Variants in SKIC2 observed in about 807,000 individuals in gnomAD.
SKIC2 encodes the protein superkiller complex protein 2.
chr6:31,960,131 G>A, the SKIC2 span: 10 of 1,610,138 alleles, frequency 6.2e-6, no homozygotes, highest in East Asian at 2.0e-4. Context: ...TGAGGAGTCT[G>A]GAGGGGCTTA....
the SKIC2 span, chr6:31,964,421 G>A: frequency 3.8e-6 from 4 of 1,049,528 alleles, no homozygotes; most frequent in Non-Finnish European, 5.8e-6. This position sits in a 1 kb window ranked among gnomAD's most constrained non-coding sequence, Gnocchi z 5.0. Context: ...GAGGGGCAGA[G>A]GTTTAGGCAG....
the SKIC2 span, chr6:31,964,357 G>A: frequency 1.3e-6 from 2 of 1,596,922 alleles, no homozygotes; most frequent in African/African-American, 2.7e-5. This position sits in a 1 kb window ranked among gnomAD's most constrained non-coding sequence, Gnocchi z 5.0. Flanking sequence ...ATGTGGTGGT[G>A]GAAAGGGACT....
At chr6:31,962,861 C>T in the SKIC2 span, 13 of 1,357,564 alleles carry the variant, frequency 9.6e-6, no homozygotes, top group Non-Finnish European at 1.3e-5. This position sits in a 1 kb window ranked among gnomAD's most constrained non-coding sequence, Gnocchi z 5.0. Context: ...TGAGCGTCTC[C>T]CTTATTCCAC....
At chr6:31,967,870 T>A in the SKIC2 span, 4 of 1,612,754 alleles carry the variant, frequency 2.5e-6, no homozygotes, top group Non-Finnish European at 3.4e-6. The surrounding 1 kb of genome is among the most constrained non-coding windows in gnomAD (Gnocchi z 4.9). Context: ...AAGGTGAGAG[T>A]GTGGCAGATG....
chr6:31,968,742 C>T, the SKIC2 span: 3 of 1,612,884 alleles, frequency 1.9e-6, no homozygotes, highest in East Asian at 2.2e-5. The surrounding 1 kb of genome is among the most constrained non-coding windows in gnomAD (Gnocchi z 6.1). Flanking sequence ...GGCTGCGCTT[C>T]CTACTGTCGG....
chr6:31,965,772 C>G, the SKIC2 span: 8 of 1,550,892 alleles, frequency 5.2e-6, no homozygotes, highest in Non-Finnish European at 7.1e-6. The surrounding 1 kb of genome is among the most constrained non-coding windows in gnomAD (Gnocchi z 5.6). Context: ...TTCTGTTCTC[C>G]TCTGTCCCAG....
the SKIC2 span, chr6:31,969,399 A>G: frequency 1.9e-6 from 3 of 1,614,168 alleles, no homozygotes; most frequent in Non-Finnish European, 2.5e-6. The surrounding 1 kb of genome is among the most constrained non-coding windows in gnomAD (Gnocchi z 6.1). Context: ...TTGAGGTTGT[A>G]TATGAGTGGG....
the SKIC2 span, chr6:31,968,561 C>T: frequency 6.2e-7 from 1 of 1,600,742 alleles, no homozygotes; most frequent in South Asian, 1.1e-5. This position sits in a 1 kb window ranked among gnomAD's most constrained non-coding sequence, Gnocchi z 6.1. Context: ...GTGGTAACTC[C>T]CAAGCTGGGA....
At chr6:31,962,466 C>G in the SKIC2 span, 4 of 1,613,978 alleles carry the variant, frequency 2.5e-6, no homozygotes, top group Middle Eastern at 1.6e-4. This position sits in a 1 kb window ranked among gnomAD's most constrained non-coding sequence, Gnocchi z 5.0. Flanking sequence ...CCATCAAGGC[C>G]CTGAGCAACC....
chr6:31,960,943 C>T, the SKIC2 span: 6 of 994,014 alleles, frequency 6.0e-6, no homozygotes, highest in Non-Finnish European at 9.7e-6. Context: ...TCCCTATCTA[C>T]AGCATCTGTC....
At chr6:31,961,826 C>T in the SKIC2 span, 103 of 1,574,492 alleles carry the variant, frequency 6.5e-5, no homozygotes, top group Middle Eastern at 4.1e-4. Flanking sequence ...GGCCTTCATC[C>T]GCCCGCCCTG....
the SKIC2 span, chr6:31,966,814 TTC>T: frequency 1.2e-6 from 2 of 1,614,168 alleles, no homozygotes; most frequent in Non-Finnish European, 1.7e-6. This position sits in a 1 kb window ranked among gnomAD's most constrained non-coding sequence, Gnocchi z 5.9. Context: ...GAAGAGGAGC[TTC>T]TCTGAGTTTC....
chr6:31,964,923 T>C, the SKIC2 span, among the ~76,000 whole-genome samples: 2 of 152,102 alleles, frequency 1.3e-5, no homozygotes, highest in Non-Finnish European at 2.9e-5. The surrounding 1 kb of genome is among the most constrained non-coding windows in gnomAD (Gnocchi z 5.0). Context: ...ATCGAGACCA[T>C]CCTGGCCAAC....
the SKIC2 span, chr6:31,967,893 C>G: frequency 1.9e-6 from 3 of 1,612,764 alleles, no homozygotes; most frequent in Admixed American, 5.0e-5. The surrounding 1 kb of genome is among the most constrained non-coding windows in gnomAD (Gnocchi z 4.9). Context: ...TGTTTTCTGC[C>G]AGCAGTATAA....
the SKIC2 span, chr6:31,968,428 G>A: frequency 6.2e-7 from 1 of 1,613,004 alleles, no homozygotes; most frequent in Non-Finnish European, 8.5e-7. This position sits in a 1 kb window ranked among gnomAD's most constrained non-coding sequence, Gnocchi z 6.1. Context: ...CCCTGTCAAT[G>A]ACCTGCAGCT....
At chr6:31,963,600 C>T in the SKIC2 span, 6 of 1,532,086 alleles carry the variant, frequency 3.9e-6, no homozygotes, top group South Asian at 1.3e-5. The surrounding 1 kb of genome is among the most constrained non-coding windows in gnomAD (Gnocchi z 5.3). Flanking sequence ...GCTGGGCCCC[C>T]AGCTGGACAT....
At chr6:31,961,139 TCTC>T in the SKIC2 span, 16 of 1,610,664 alleles carry the variant, frequency 9.9e-6, 1 homozygote, top group East Asian at 6.7e-5. Flanking sequence ...GTCATGTCCT[TCTC>T]CTAAGGAACA....
chr6:31,964,175 G>A, the SKIC2 span: 95 of 1,608,750 alleles, frequency 5.9e-5, no homozygotes, highest in African/African-American at 7.9e-4. The surrounding 1 kb of genome is among the most constrained non-coding windows in gnomAD (Gnocchi z 5.0). Context: ...TGGCAGACTG[G>A]TGGGGATAGG....
chr6:31,965,748 C>A, the SKIC2 span: 2 of 1,339,706 alleles, frequency 1.5e-6, no homozygotes, highest in African/African-American at 1.4e-5. The surrounding 1 kb of genome is among the most constrained non-coding windows in gnomAD (Gnocchi z 5.6). Flanking sequence ...GTATGTAGAG[C>A]CTTTGCTGAT....
Sources: gnomAD v4.1 joint callset for allele counts (sites outside exome capture counted in the v4.1 genomes callset) on GRCh38, gnomAD v4.1.1 for gene constraint, Gnocchi (gnomAD v3.1) non-coding constraint, MANE v1.5 for transcripts, NCBI Gene and HGNC (gene_info 2026-07-23, HGNC 2026-07-21) for gene names.